The following MOK variants were observed in gnomAD, a reference collection of about 807,000 sequenced individuals.
MOK encodes MAPK/MAK/MRK overlapping kinase.
A neutral mutation model predicts 54.2 loss-of-function variants in MOK; 59 were observed. The ratio of observed to expected loss-of-function variants is 1.09; its 90% CI spans 0.88 to 1.35. The LOEUF is 1.35. Ranked by LOEUF, MOK falls within the 40% of genes most tolerant of loss-of-function variation. The pLI is 0.00. For missense variants in MOK, 517 were observed against 526.2 expected (o/e 0.98, Z 0.17); for synonymous variants, 210 against 202.7 (o/e 1.04, Z -0.31).
At chr14:102,255,183 C>T (rs55840902) in intron 4 of MOK, among the ~76,000 whole-genome samples, 8,307 of 151,946 alleles carry the variant, frequency 0.055, 293 homozygotes, top group African/African-American at 0.1. Flanking sequence ...CCAGGCGTGG[C>T]GGCAGGCGCC....
rs2064603514 is a variant in MOK, at chr14:102,230,695, C to T, written c.981+1012G>A. On this transcript the variant is annotated intron_variant, in intron 10 of 11. Transcript: ENST00000361847. The surrounding 1 kb of genome is among the most constrained non-coding windows in gnomAD (Gnocchi z 4.1). The stretch of plus-strand genomic sequence containing the variant: ...GCAGGGACAGTAGTGAGGAGGCCAT[C>T]TGTGGTGACTTAGGCAAGGTGAGGA... 6.5e-6 allele frequency: 1 copy of T among 153,210 alleles called. No homozygotes were observed. Among genetic ancestry groups the T allele is most frequent in the South Asian group, 2.1e-4 (1 of 4,834 alleles). 9.5% of individuals were successfully genotyped at this position (153,210 alleles called of 1,614,324 possible). A position where few individuals can be genotyped will look rare whatever the true frequency, so the allele number is the denominator to read the frequency against.
At chr14:102,271,539 A>T (rs941808447) in intron 2 of MOK, among the ~76,000 whole-genome samples, 5 of 152,176 alleles carry the variant, frequency 3.3e-5, no homozygotes, top group African/African-American at 1.2e-4. Context: ...TAGACCTGAA[A>T]ACCTTTATAC....
Position 102,232,139 on chromosome 14 carries a change from G to A in MOK, c.867-318C>T, listed in dbSNP as rs2064786197. Reference sequence around the variant, plus strand: ...GAATTAGGTGACCTCAGGGCAGACAGGTCTTAGATTCACATTCAGCAGGTA... The same window carrying A: ...GAATTAGGTGACCTCAGGGCAGACAAGTCTTAGATTCACATTCAGCAGGTA... On this transcript the variant is annotated intron_variant, in intron 9 of 11. Coordinates refer to ENST00000361847, the MANE Select transcript of MOK (RefSeq NM_014226.3). This position sits in a 1 kb window ranked among gnomAD's most constrained non-coding sequence, Gnocchi z 5.1. 2.8e-6 allele frequency: 1 copy of A among 354,380 alleles called. No homozygotes were observed. Among genetic ancestry groups the A allele is most frequent in the East Asian group, 4.7e-5 (1 of 21,356 alleles). 22.0% of individuals were successfully genotyped at this position (354,380 alleles called of 1,614,324 possible).
chr14:102,224,261 C>T (rs947505331), downstream of MOK, among the ~76,000 whole-genome samples: 10 of 151,850 alleles, frequency 6.6e-5, no homozygotes, highest in Non-Finnish European at 8.8e-5. Flanking sequence ...AGGATGGTCT[C>T]GATCTCCTGA....
downstream of MOK, chr14:102,223,122 G>A (rs1182168285): frequency 7.6e-6 from 3 of 395,530 alleles, no homozygotes; most frequent in South Asian, 5.3e-5. Context: ...AAGAAATGGA[G>A]TTTTCTTGCT....
At chr14:102,260,974 T>C (rs1426651907) in intron 4 of MOK, among the ~76,000 whole-genome samples, 1 of 148,400 alleles carries the variant, frequency 6.7e-6, no homozygotes, top group East Asian at 2.0e-4. Flanking sequence ...TACAAAACAA[T>C]TGGCTGGGCG....
chr14:102,303,299 C>T (rs1216853194), intron 1 of MOK, among the ~76,000 whole-genome samples: 1 of 152,206 alleles, frequency 6.6e-6, no homozygotes, highest in Admixed American at 6.5e-5. Flanking sequence ...TTGCCTCTCA[C>T]ATATTCCTGG....
intron 7 of MOK, 121 bp from the exon 8 acceptor site, chr14:102,233,910 C>G (rs929534819): frequency 7.3e-6 from 5 of 686,872 alleles, no homozygotes; most frequent in Non-Finnish European, 1.3e-5. Flanking sequence ...ACTTTACCTA[C>G]ACCCTTCTGT....
chr14:102,299,350 C>T (rs1436397097), intron 1 of MOK, among the ~76,000 whole-genome samples: 2 of 152,038 alleles, frequency 1.3e-5, no homozygotes, highest in African/African-American at 4.8e-5. Context: ...CCCATCTTTA[C>T]TAAAACTACA....
At chr14:102,283,235 G>GACATAC (rs2069658955) in intron 2 of MOK, 2 of 373,514 alleles carry the variant, frequency 5.4e-6, no homozygotes, top group Non-Finnish European at 4.8e-6. Flanking sequence ...TGTTTAAGGT[G>GACATAC]AGACACACTT....
chr14:102,224,216 AT>A (rs1277140080), downstream of MOK, among the ~76,000 whole-genome samples: 1 of 151,546 alleles, frequency 6.6e-6, no homozygotes, highest in Non-Finnish European at 1.5e-5. Context: ...TAATTTTTGT[AT>A]TTTTAGTAGA....
intron 1 of MOK, among the ~76,000 whole-genome samples, chr14:102,285,289 C>G (rs565417800): frequency 7.1e-4 from 108 of 152,234 alleles, no homozygotes; most frequent in African/African-American, 2.5e-3. Context: ...CTATGTTGCC[C>G]AGGCTGGCCT....
chr14:102,258,062 G>T (rs1258841140), intron 4 of MOK, among the ~76,000 whole-genome samples: 1 of 151,840 alleles, frequency 6.6e-6, no homozygotes, highest in Non-Finnish European at 1.5e-5. Flanking sequence ...CACTTTTCTG[G>T]TAATTCATTT....
At chr14:102,215,539 G>A in the MOK span, among the ~76,000 whole-genome samples, 1 of 152,140 alleles carries the variant, frequency 6.6e-6, no homozygotes, top group African/African-American at 2.4e-5. Context: ...GTGCCACGGT[G>A]GTTTGTTGCG....
intron 2 of MOK, among the ~76,000 whole-genome samples, chr14:102,282,822 C>A (rs979232646): frequency 6.6e-6 from 1 of 151,874 alleles, no homozygotes; most frequent in Non-Finnish European, 1.5e-5. Flanking sequence ...AAGGCCAAGG[C>A]GGGCGGATCA....
intron 1 of MOK, among the ~76,000 whole-genome samples, chr14:102,293,590 C>T (rs1488876441): frequency 2.7e-5 from 4 of 147,674 alleles, no homozygotes; most frequent in Non-Finnish European, 4.5e-5. Context: ...CCCAGCTACT[C>T]GGGAGGCTGA....
chr14:102,279,441 C>T (rs1336893309), intron 2 of MOK, among the ~76,000 whole-genome samples: 2 of 152,096 alleles, frequency 1.3e-5, no homozygotes, highest in Non-Finnish European at 1.5e-5. Context: ...GCTAGGACTA[C>T]AGGCACCACC....
At chr14:102,289,326 G>T (rs182334796) in intron 1 of MOK, among the ~76,000 whole-genome samples, 1 of 152,016 alleles carries the variant, frequency 6.6e-6, no homozygotes, top group Admixed American at 6.6e-5. Context: ...TATATACAGG[G>T]AAAATCACAA....
At chr14:102,282,430 G>C (rs538142884) in intron 2 of MOK, among the ~76,000 whole-genome samples, 1 of 152,088 alleles carries the variant, frequency 6.6e-6, no homozygotes, top group South Asian at 2.1e-4. Flanking sequence ...GACTAAGGTT[G>C]CATTTATAGA....
Sources: allele counts gnomAD v4.1 joint callset (sites outside exome capture counted in the v4.1 genomes callset), GRCh38; gene constraint gnomAD v4.1.1; non-coding constraint Gnocchi (gnomAD v3.1); transcripts MANE v1.5; gene names NCBI Gene and HGNC (gene_info 2026-07-23, HGNC 2026-07-21).